NPAS3: variants seen among roughly 807,000 people sequenced by gnomAD.
NPAS3 encodes the protein neuronal PAS domain-containing protein 3.
Under a neutral mutation model 73.1 loss-of-function variants are expected in NPAS3, and 14 were observed. The observed-to-expected ratio is 0.19, with a 90% CI of 0.13 to 0.30. The LOEUF (loss-of-function observed/expected upper bound fraction) is 0.30. Ranked by LOEUF, NPAS3 falls within the 10% of genes least tolerant of loss-of-function variation. The probability of loss-of-function intolerance (pLI) is 1.00; values close to 1 mark genes in which losing one functional copy is unlikely to be tolerated. For missense variants in NPAS3, 1,096 were observed against 1,250.0 expected, an observed-to-expected ratio of 0.88 and a Z score of 1.86; for synonymous variants, 620 against 541.5, an observed-to-expected ratio of 1.14 and a Z score of -2.01.
intron 6 of NPAS3, among the ~76,000 whole-genome samples, chr14:33,713,375 A>G (rs1413790764): frequency 6.6e-6 from 1 of 152,204 alleles, no homozygotes; most frequent in Admixed American, 6.5e-5. Context: ...CCTCACAGCC[A>G]TGTCCAGATG....
intron 4 of NPAS3, among the ~76,000 whole-genome samples, chr14:33,428,071 A>G (rs757245666): frequency 9.2e-5 from 14 of 152,132 alleles, no homozygotes; most frequent in Non-Finnish European, 2.1e-4. Flanking sequence ...TCAACTCAAT[A>G]CATAATAACT....
chr14:32,939,938 G>A (rs2035913345), intron 1 of NPAS3, among the ~76,000 whole-genome samples: 2 of 152,136 alleles, frequency 1.3e-5, no homozygotes, highest in African/African-American at 4.8e-5. Flanking sequence ...AGCTAGGCCG[G>A]GCCGAGCCCA....
intron 4 of NPAS3, among the ~76,000 whole-genome samples, chr14:33,397,919 G>C (rs762670316): frequency 4.6e-5 from 7 of 152,088 alleles, no homozygotes; most frequent in Non-Finnish European, 8.8e-5. Context: ...TAGGTCCTCT[G>C]GTTATTTAAC....
intron 5 of NPAS3, among the ~76,000 whole-genome samples, chr14:33,628,767 C>T (rs966085748): frequency 2.0e-5 from 3 of 152,202 alleles, no homozygotes; most frequent in Non-Finnish European, 2.9e-5. Context: ...GTTTCCCCTT[C>T]CTTAAGCCTG....
At chr14:33,323,451 T>A (rs1438664525) in intron 3 of NPAS3, among the ~76,000 whole-genome samples, 2 of 152,224 alleles carry the variant, frequency 1.3e-5, no homozygotes, top group East Asian at 1.9e-4. Context: ...TCCAAACAAC[T>A]TTTTACCTCT....
intron 2 of NPAS3, among the ~76,000 whole-genome samples, chr14:33,147,730 A>AAAAAAAATATATATATATATATAT (rs372663411): frequency 7.7e-6 from 1 of 130,386 alleles, no homozygotes; most frequent in African/African-American, 3.2e-5. Flanking sequence ...TAGAATAAAA[A>AAAAAAAATATATATATATATATAT]ATATATATAT....
intron 3 of NPAS3, among the ~76,000 whole-genome samples, chr14:33,314,945 A>T (rs914960392): frequency 1.3e-5 from 2 of 152,122 alleles, no homozygotes; most frequent in Non-Finnish European, 2.9e-5. Flanking sequence ...CCATGCTTTC[A>T]TGAGGTTTAT....
intron 5 of NPAS3, among the ~76,000 whole-genome samples, chr14:33,634,847 G>A (rs1049348629): frequency 2.6e-5 from 4 of 152,202 alleles, no homozygotes; most frequent in South Asian, 2.1e-4. Context: ...ATTGTTTAAG[G>A]TGGTGGTTCT....
chr14:33,278,733 A>G (rs2041452354), intron 3 of NPAS3, among the ~76,000 whole-genome samples: 1 of 152,174 alleles, frequency 6.6e-6, no homozygotes, highest in Admixed American at 6.5e-5. Context: ...AAAGGAAAGT[A>G]AACAGATTTT....
chr14:33,683,886 G>T (rs545641105), intron 6 of NPAS3, among the ~76,000 whole-genome samples: 3 of 152,258 alleles, frequency 2.0e-5, no homozygotes, highest in African/African-American at 7.2e-5. Context: ...ATATCCTCTT[G>T]GTGTATGCAG....
rs1342985158 is a variant in NPAS3, at chr14:33,187,243, T to C, written c.141-27939T>C. Among the ~76,000 whole-genome samples the C allele has an allele frequency of 1.3e-5, 2 of 152,212 alleles. 1 individual carries two copies. The highest frequency in any genetic ancestry group is 4.8e-5 in the African/African-American group (2 of 41,462). The stretch of plus-strand genomic sequence containing the variant: ...TTCCAATGTCAATCAATCTTGTTGC[T>C]TTCTGACTTTCTCCATTCCACAGCT... On this transcript the variant is annotated intron_variant, in intron 2 of 11. Coordinates refer to ENST00000356141, the Ensembl canonical transcript of NPAS3.
chr14:33,585,746 G>A (rs528176887), intron 5 of NPAS3, among the ~76,000 whole-genome samples: 9 of 152,142 alleles, frequency 5.9e-5, no homozygotes, highest in Non-Finnish European at 7.4e-5. Context: ...TTAGTTTTCC[G>A]CTGAGAATCA....
In NPAS3 at chr14:33,288,338, T is replaced by C. The variant is rs535352512; in HGVS notation, c.385+72912T>C. ...GTTAAGGCCAGACTTTGAGCATCTG[T>C]CTTTTCCAAGACTTTCATATTTCAT... On this transcript the variant is annotated intron_variant, in intron 3 of 11. Coordinates refer to ENST00000356141, the Ensembl canonical transcript of NPAS3. Among the ~76,000 whole-genome samples the C allele has an allele frequency of 3.3e-5, 5 of 152,306 alleles. No individual in the cohort carries two copies. The East Asian group carries it at 5.8e-4, about 18-fold the overall frequency.
chr14:33,710,578 A>G (rs986116193), intron 6 of NPAS3, among the ~76,000 whole-genome samples: 1 of 152,156 alleles, frequency 6.6e-6, no homozygotes, highest in African/African-American at 2.4e-5. Flanking sequence ...CAGTCTCATC[A>G]GGCGTGCCCC....
rs148239664 is a variant in NPAS3 at position 33,671,776 on chromosome 14, CCTT to C, written c.559-4429_559-4427del. 1.8e-3 allele frequency among the ~76,000 whole-genome samples: 275 copies of C among 152,218 alleles called. 1 individual carries two copies. Among genetic ancestry groups the C allele is most frequent in the African/African-American group, 6.4e-3 (267 of 41,534 alleles). The stretch of plus-strand genomic sequence containing the variant: ...GAAGTTGGAAACAGTCATGCTTCCT[CCTT>C]CTTCTGCTACTAGAGAAACAGTTCA... On this transcript the variant is annotated intron_variant, in intron 5 of 11. Transcript: ENST00000356141.
intron 6 of NPAS3, among the ~76,000 whole-genome samples, chr14:33,681,900 G>C (rs139668479): frequency 6.6e-6 from 1 of 150,772 alleles, no homozygotes; most frequent in African/African-American, 2.5e-5. Flanking sequence ...CAGTGTAGTC[G>C]AGTGGTATGC....
At chr14:33,780,896 AT>A (rs1478902381) in intron 9 of NPAS3, 1 of 261,394 alleles carries the variant, frequency 3.8e-6, no homozygotes, top group African/African-American at 2.3e-5. Context: ...ATTACTTGAT[AT>A]TGACATACCG....
At chr14:33,406,794 A>C (rs2047686901) in intron 4 of NPAS3, among the ~76,000 whole-genome samples, 1 of 152,078 alleles carries the variant, frequency 6.6e-6, no homozygotes, top group African/African-American at 2.4e-5. Context: ...CAACTACTGC[A>C]TTTTTCTAAC....
At chr14:33,479,380 AC>A (rs1233433605) in intron 4 of NPAS3, among the ~76,000 whole-genome samples, 2 of 151,734 alleles carry the variant, frequency 1.3e-5, no homozygotes, top group South Asian at 2.1e-4. Flanking sequence ...TTACTACCCC[AC>A]CCCCAAACTG....
Sources: gnomAD v4.1 joint callset for allele counts (sites outside exome capture counted in the v4.1 genomes callset) on GRCh38, gnomAD v4.1.1 for gene constraint, MANE v1.5 for transcripts, NCBI Gene and HGNC (gene_info 2026-07-23, HGNC 2026-07-21) for gene names.